The following BUD31 variants were observed in gnomAD, a reference collection of about 807,000 sequenced individuals.
BUD31 encodes the protein BUD31 spliceosome associated protein.
In BUD31, 9 loss-of-function variants were observed where a neutral mutation model predicts 17.9. The ratio of observed to expected loss-of-function variants is 0.50; its 90% CI spans 0.30 to 0.88. The LOEUF (loss-of-function observed/expected upper bound fraction) is 0.88, where lower values mean the gene tolerates loss of function less well. Among genes scored for constraint, BUD31 ranks in the 40% least tolerant of loss-of-function variants. The pLI, the probability that BUD31 is intolerant of heterozygous loss-of-function variation, is 0.06. For missense variants in BUD31, 148 were observed against 184.5 expected, an observed-to-expected ratio of 0.80 and a Z score of 1.15; for synonymous variants, 70 against 64.7, an observed-to-expected ratio of 1.08 and a Z score of -0.39.
At chr7:99,413,244 C>G (rs1324577614) in intron 3 of BUD31, among the ~76,000 whole-genome samples, 1 of 152,136 alleles carries the variant, frequency 6.6e-6, no homozygotes, top group African/African-American at 2.4e-5. Flanking sequence ...CCACTCTTCG[C>G]CCTTCTGTTC....
intron 5 of BUD31, chr7:99,417,879 A>G: frequency 7.4e-7 from 1 of 1,359,882 alleles, no homozygotes. Flanking sequence ...CCTAATCCCA[A>G]GGTGGTGGCA....
chr7:99,418,080 G>C (rs1409960079), intron 5 of BUD31: 1 of 790,096 alleles, frequency 1.3e-6, no homozygotes, highest in Admixed American at 5.0e-5. Context: ...CGGTTCTCCT[G>C]CCTCATCCTC....
intron 5 of BUD31, chr7:99,419,035 A>G (rs919201698): frequency 1.0e-4 from 28 of 277,986 alleles, no homozygotes; most frequent in Middle Eastern, 1.3e-3. Flanking sequence ...GCCCCCCTGA[A>G]GTCCCCAAAC....
intron 3 of BUD31, chr7:99,411,704 T>TTTTTTA: frequency 2.2e-6 from 1 of 456,040 alleles, no homozygotes; most frequent in Non-Finnish European, 4.4e-6. Context: ...ACCAATTGAC[T>TTTTTTA]TTTTTATTTT....
chr7:99,419,233 C>T lies in BUD31; in HGVS notation c.385-158C>T. On this transcript the variant is annotated intron_variant, in intron 5 of 5. Transcript: ENST00000222969. The stretch of plus-strand genomic sequence containing the variant: ...AGCTGGTTCTACCTTCATGAGGGAG[C>T]CAAATTTTCCCTGTCCAGAGCTGTC... 2.5e-6 allele frequency: 2 copies of T among 786,124 alleles called. 1 individual carries two copies. The highest frequency in any genetic ancestry group is 3.4e-5 in the South Asian group (2 of 59,546). 48.7% of individuals were successfully genotyped at this position (786,124 alleles called of 1,614,324 possible).
chr7:99,409,769 C>CG (rs370621425), intron 1 of BUD31, among the ~76,000 whole-genome samples: 11,242 of 48,378 alleles, frequency 0.23, 775 homozygotes, highest in African/African-American at 0.25. Flanking sequence ...GCTCTGTGGG[C>CG]GGGGGGGGGG....
intron 3 of BUD31, chr7:99,415,084 G>A (rs540065879): frequency 3.1e-5 from 12 of 388,478 alleles, no homozygotes; most frequent in East Asian, 1.6e-4. Context: ...GTTTCTCCCC[G>A]TGTGTGGAGA....
chr7:99,410,380 A>G (rs531802607), intron 2 of BUD31, among the ~76,000 whole-genome samples: 1 of 149,824 alleles, frequency 6.7e-6, no homozygotes, highest in Non-Finnish European at 1.5e-5. Context: ...CACCATGCTC[A>G]GTTAATTTTT....
intron 1 of BUD31, among the ~76,000 whole-genome samples, chr7:99,409,801 T>C (rs1415435435): frequency 6.6e-6 from 1 of 150,386 alleles, no homozygotes; most frequent in Non-Finnish European, 1.5e-5. Flanking sequence ...AAAGTGTCAG[T>C]ACAGAAGGGA....
Position 99,413,327 on chromosome 7 carries a change from G to C in BUD31, c.94+2141G>C, listed in dbSNP as rs536002129. Among the ~76,000 whole-genome samples the C allele has an allele frequency of 2.6e-5, 4 of 152,266 alleles. No individual in the cohort carries two copies. The South Asian group carries it at 8.3e-4, about 32-fold the overall frequency. On this transcript the variant is annotated intron_variant, in intron 3 of 5. Transcript: ENST00000222969. Reference sequence around the variant, plus strand: ...CTGAGAGAGAGAGAACTGCCTTGCGGCAAGTATGAGTGCCACCTGATCCTG... The same window carrying C: ...CTGAGAGAGAGAGAACTGCCTTGCGCCAAGTATGAGTGCCACCTGATCCTG...
intron 2 of BUD31, among the ~76,000 whole-genome samples, chr7:99,410,813 C>A (rs567497096): frequency 1.3e-5 from 2 of 152,302 alleles, no homozygotes; most frequent in East Asian, 3.9e-4. Flanking sequence ...TTTGCAATGA[C>A]CACATAAGGT....
At chr7:99,411,592 G>T (rs868002854) in intron 3 of BUD31, among the ~76,000 whole-genome samples, 2 of 152,156 alleles carry the variant, frequency 1.3e-5, no homozygotes, top group East Asian at 1.9e-4. Context: ...TGTAAATGGC[G>T]TGTGATCCTG....
intron 5 of BUD31, chr7:99,419,124 T>C: frequency 1.9e-6 from 1 of 533,870 alleles, no homozygotes; most frequent in South Asian, 2.1e-5. Flanking sequence ...CACACCGATT[T>C]CTTTTTCTTG....
At chr7:99,419,273 G>T in intron 5 of BUD31, 118 bp from the exon 6 acceptor site, 1 of 1,274,044 alleles carries the variant, frequency 7.8e-7, no homozygotes. Context: ...AAGGGTTTCT[G>T]AGGTGTGTCC....
At chr7:99,412,886 G>A (rs979997838) in intron 3 of BUD31, among the ~76,000 whole-genome samples, 1 of 151,830 alleles carries the variant, frequency 6.6e-6, no homozygotes, top group African/African-American at 2.4e-5. Flanking sequence ...CTCCCAAAGT[G>A]CTAGGATTAC....
intron 2 of BUD31, among the ~76,000 whole-genome samples, chr7:99,410,730 C>G (rs987530558): frequency 8.5e-5 from 13 of 152,198 alleles, no homozygotes; most frequent in Non-Finnish European, 1.6e-4. Flanking sequence ...TTGAAGTTAG[C>G]TAATGACAAC....
intron 5 of BUD31, chr7:99,417,834 C>A: frequency 6.8e-7 from 1 of 1,463,356 alleles, no homozygotes; most frequent in East Asian, 2.6e-5. Context: ...AATTACTGAA[C>A]CCCTTTCCTC....
At chr7:99,409,835 ATGAATCTGTTATGC>A (rs1173260940) in intron 1 of BUD31, among the ~76,000 whole-genome samples, 185 bp from the exon 2 acceptor site, 1 of 151,050 alleles carries the variant, frequency 6.6e-6, no homozygotes, top group African/African-American at 2.4e-5. Flanking sequence ...TTTGAGAGAG[ATGAATCTGTTATGC>A]TGAAAGGTAA....
chr7:99,412,738 A>C (rs1795238621), intron 3 of BUD31, among the ~76,000 whole-genome samples: 1 of 149,948 alleles, frequency 6.7e-6, no homozygotes, highest in Non-Finnish European at 1.5e-5. Flanking sequence ...CAGCCTCTGG[A>C]GTAGCTGGGA....
Sources: gnomAD v4.1 joint callset for allele counts (sites outside exome capture counted in the v4.1 genomes callset) on GRCh38, gnomAD v4.1.1 for gene constraint, MANE v1.5 for transcripts, NCBI Gene and HGNC (gene_info 2026-07-23, HGNC 2026-07-21) for gene names.